F13A1: variants seen among roughly 807,000 people sequenced by gnomAD.
F13A1 encodes coagulation factor XIII A chain.
A neutral mutation model predicts 80.1 loss-of-function variants in F13A1; 47 were observed. The observed-to-expected ratio is 0.59, with a 90% CI of 0.46 to 0.75. The LOEUF is 0.75. F13A1 is among the 30% of genes least tolerant of loss of function. The pLI, the probability that F13A1 is intolerant of heterozygous loss-of-function variation, is 0.00. For missense variants in F13A1, 817 were observed against 930.4 expected (o/e 0.88, Z 1.59); for synonymous variants, 349 against 344.9 (o/e 1.01, Z -0.13).
At chr6:6,285,184 G>C (rs1463074938) in intron 3 of F13A1, among the ~76,000 whole-genome samples, 1 of 152,228 alleles carries the variant, frequency 6.6e-6, no homozygotes, top group Non-Finnish European at 1.5e-5. Flanking sequence ...GGGAGGCAGA[G>C]GTTGCAGTGA....
At position 6,216,842 on chromosome 6, in the gene F13A1, A is replaced by C. The variant is rs1583076736; in HGVS notation, c.1112+5191T>G. ...AAACAAATTTACAAGAAAAAAACAA[A>C]CAACCCCATCGAAAAGTGGGCAAAG... On this transcript the variant is annotated intron_variant, in intron 8 of 14. Transcript: ENST00000264870. Among the ~76,000 whole-genome samples, 3 of 146,556 alleles carry C rather than the reference A, an allele frequency of 2.0e-5. No homozygotes were observed. In the East Asian group the frequency reaches 5.9e-4, roughly 29 times the overall value.
At chr6:6,161,703 GTC>G (rs1214306187) in intron 13 of F13A1, among the ~76,000 whole-genome samples, 1 of 152,096 alleles carries the variant, frequency 6.6e-6, no homozygotes, top group Non-Finnish European at 1.5e-5. Context: ...TTTAATGACT[GTC>G]TCTCTCTGCC....
chr6:6,166,912 G>A (rs1760683947), intron 13 of F13A1, among the ~76,000 whole-genome samples: 1 of 152,196 alleles, frequency 6.6e-6, no homozygotes, highest in East Asian at 1.9e-4. Context: ...AAAGGCAAGA[G>A]GGAACCTTCT....
intron 12 of F13A1, among the ~76,000 whole-genome samples, chr6:6,173,500 C>T (rs531319467): frequency 7.9e-5 from 12 of 151,914 alleles, no homozygotes; most frequent in African/African-American, 2.4e-4. Context: ...CTCCGCCTCC[C>T]GGGTTCGAGC....
intron 4 of F13A1, among the ~76,000 whole-genome samples, chr6:6,261,580 G>A (rs1757782211): frequency 1.3e-4 from 20 of 150,226 alleles, no homozygotes; most frequent in East Asian, 2.0e-4. Flanking sequence ...GGCTGAACAA[G>A]CCCTCCAGGT....
In F13A1 at chr6:6,188,854, A is replaced by G. The variant is rs200446595; in HGVS notation, c.1306-6713T>C. Among the ~76,000 whole-genome samples the G allele has an allele frequency of 1.1e-4, 8 of 70,342 alleles. 1 individual carries two copies. The highest frequency in any genetic ancestry group is 1.1e-3 in the East Asian group (2 of 1,822). The allele number at this position is 70,342 out of a possible 152,430, so 46.1% of individuals were successfully genotyped here. ...AGTCTCCCATTATTAATGTGTGGGA[A>G]TCTAAGTCTCTTTGTAGGTCTCTAA... On this transcript the variant is annotated intron_variant, in intron 10 of 14. Coordinates refer to ENST00000264870, the MANE Select transcript of F13A1 (RefSeq NM_000129.4).
At chr6:6,153,577 G>A (rs570311714) in intron 13 of F13A1, among the ~76,000 whole-genome samples, 39 of 152,320 alleles carry the variant, frequency 2.6e-4, no homozygotes, top group African/African-American at 9.4e-4. Flanking sequence ...CTCCTGGAGG[G>A]CAGTGGTGGA....
At chr6:6,308,443 C>T (rs1172617585) in intron 2 of F13A1, among the ~76,000 whole-genome samples, 1 of 141,730 alleles carries the variant, frequency 7.1e-6, no homozygotes, top group Non-Finnish European at 1.5e-5. Context: ...GTACATTACT[C>T]TAGTTGTGGT....
Position 6,238,715 on chromosome 6 carries a change from C to CATATATATATATATATATATGTAT in F13A1, c.798+9596_798+9597insATACATATATATATATATATATAT, listed in dbSNP as rs4053228. Among the ~76,000 whole-genome samples the CATATATATATATATATATATGTAT allele has an allele frequency of 4.8e-4, 70 of 146,056 alleles. 1 individual carries two copies. The highest frequency in any genetic ancestry group is 1.7e-3 in the African/African-American group (67 of 39,262). On this transcript the variant is annotated intron_variant, in intron 6 of 14. Transcript: ENST00000264870. ...AATCAGTAGACTTGAAAACATGCTGCATATATATATATATATATAGCCAAT... is the reference window on the plus strand; with the variant it reads ...AATCAGTAGACTTGAAAACATGCTGCATATATATATATATATATATGTATATATATATATATATATATAGCCAAT...
chr6:6,152,380 TTAGTTTTAGACACATTCGCAAG>T (rs1398924528), intron 13 of F13A1, among the ~76,000 whole-genome samples: 1 of 152,212 alleles, frequency 6.6e-6, no homozygotes, highest in African/African-American at 2.4e-5. Context: ...ATGTGCCTTC[TTAGTTTTAGACACATTCGCAAG>T]AAATATGCCA....
intron 2 of F13A1, among the ~76,000 whole-genome samples, chr6:6,313,984 C>CTTTTTT (rs1758643782): frequency 1.4e-5 from 2 of 139,302 alleles, no homozygotes; most frequent in South Asian, 2.2e-4. Flanking sequence ...TTTCTCCTTA[C>CTTTTTT]TCTTTTTTTT....
intron 3 of F13A1, among the ~76,000 whole-genome samples, chr6:6,296,676 A>G (rs896104818): frequency 4.1e-5 from 6 of 148,054 alleles, no homozygotes; most frequent in East Asian, 3.9e-4. Context: ...TAGATATACA[A>G]TCATGTCGTC....
chr6:6,251,683 G>T (rs1201449905), intron 4 of F13A1, among the ~76,000 whole-genome samples: 1 of 152,126 alleles, frequency 6.6e-6, no homozygotes, highest in Admixed American at 6.5e-5. Context: ...GTTTGGGACA[G>T]GCATCTAAGC....
intron 3 of F13A1, among the ~76,000 whole-genome samples, chr6:6,268,935 C>A (rs73361887): frequency 6.6e-6 from 1 of 151,946 alleles, no homozygotes; most frequent in African/African-American, 2.4e-5. Context: ...GGTGTTCCCC[C>A]CCGCCTCAGC....
intron 6 of F13A1, among the ~76,000 whole-genome samples, chr6:6,245,316 G>A (rs113846949): frequency 2.6e-5 from 4 of 152,032 alleles, no homozygotes; most frequent in Non-Finnish European, 4.4e-5. Context: ...TCTGCCTCCC[G>A]GGTTCAAGCA....
chr6:6,162,503 T>C lies in F13A1; in HGVS notation c.1908+4955A>G, dbSNP rs1760593344. The stretch of plus-strand genomic sequence containing the variant: ...AATACAAAACTCTCTGCAAAGTCAA[T>C]GACCACCTCTGCTTTTTGTGATAGT... On this transcript the variant is annotated intron_variant, in intron 13 of 14. Transcript: ENST00000264870. This position sits in a 1 kb window ranked among gnomAD's most constrained non-coding sequence, Gnocchi z 4.2. Among the ~76,000 whole-genome samples, 1 of 152,216 alleles carries C rather than the reference T, an allele frequency of 6.6e-6. No homozygotes were observed. Among genetic ancestry groups the C allele is most frequent in the Non-Finnish European group, 1.5e-5 (1 of 68,042 alleles).
At chr6:6,212,431 C>T (rs1475083214) in intron 8 of F13A1, among the ~76,000 whole-genome samples, 9 of 152,240 alleles carry the variant, frequency 5.9e-5, no homozygotes, top group African/African-American at 2.2e-4. Context: ...TGACACCTCA[C>T]ACGGCCGGGT....
At chr6:6,146,239 C>T (rs1760277157) in intron 14 of F13A1, among the ~76,000 whole-genome samples, 1 of 152,214 alleles carries the variant, frequency 6.6e-6, no homozygotes, top group Non-Finnish European at 1.5e-5. Flanking sequence ...CTTTTGCCAA[C>T]TCCCTTGGGA....
chr6:6,309,110 A>G (rs554954934), intron 2 of F13A1, among the ~76,000 whole-genome samples: 2 of 152,126 alleles, frequency 1.3e-5, no homozygotes, highest in East Asian at 1.9e-4. Flanking sequence ...TGCATTTAAT[A>G]TATTTAATAT....
Sources: allele counts gnomAD v4.1 joint callset (sites outside exome capture counted in the v4.1 genomes callset), GRCh38; gene constraint gnomAD v4.1.1; non-coding constraint Gnocchi (gnomAD v3.1); transcripts MANE v1.5; gene names NCBI Gene and HGNC (gene_info 2026-07-23, HGNC 2026-07-21).